Variants in MTMR9 observed in about 807,000 individuals in gnomAD.
MTMR9 encodes myotubularin related protein 9.
A neutral mutation model predicts 69.5 loss-of-function variants in MTMR9; 39 were observed. The ratio of observed to expected loss-of-function variants is 0.56; its 90% confidence interval spans 0.43 to 0.73. The LOEUF (loss-of-function observed/expected upper bound fraction) is 0.73. Among genes scored for constraint, MTMR9 ranks in the 30% least tolerant of loss-of-function variants. The probability of loss-of-function intolerance (pLI) is 0.00; values close to 1 mark genes in which losing one functional copy is unlikely to be tolerated. For missense variants in MTMR9, 900 were observed against 671.2 expected (o/e 1.34, Z -3.77); for synonymous variants, 354 against 240.8 (o/e 1.47, Z -4.35).
At chr8:11,290,641 A>G (rs1321253607) in intron 1 of MTMR9, among the ~76,000 whole-genome samples, 1 of 152,032 alleles carries the variant, frequency 6.6e-6, no homozygotes, top group Middle Eastern at 3.2e-3. Context: ...ATAAGAACCT[A>G]TTTTTCTCCA....
chr8:11,287,479 G>T (rs992870710), intron 1 of MTMR9, among the ~76,000 whole-genome samples: 1 of 151,712 alleles, frequency 6.6e-6, no homozygotes, highest in African/African-American at 2.4e-5. Flanking sequence ...GTGGTGTAGT[G>T]AAAGAGCATA....
intron 1 of MTMR9, 60 bp from the exon 2 acceptor site, chr8:11,295,134 A>G: frequency 1.2e-6 from 1 of 862,428 alleles, no homozygotes; most frequent in Non-Finnish European, 1.9e-6. Flanking sequence ...CAAAGAAATA[A>G]TAATATATTT....
chr8:11,298,730 C>CT (rs1799644888), intron 2 of MTMR9: 6 of 926,800 alleles, frequency 6.5e-6, no homozygotes, highest in South Asian at 1.0e-4. Context: ...ACCCCCCCCC[C>CT]GCCATCCAGT....
intron 6 of MTMR9, among the ~76,000 whole-genome samples, chr8:11,314,261 G>GT (rs1800320037): frequency 6.6e-6 from 1 of 152,212 alleles, no homozygotes; most frequent in African/African-American, 2.4e-5. Context: ...AGAAGATGTA[G>GT]TAAATTTAGT....
intron 8 of MTMR9, 200 bp from the exon 9 acceptor site, chr8:11,319,487 T>G: frequency 1.8e-6 from 1 of 568,454 alleles, no homozygotes; most frequent in Non-Finnish European, 3.1e-6. Flanking sequence ...AAAATACTCT[T>G]TGTTTTGTTG....
At chr8:11,331,829 G>C, downstream of MTMR9, 1 of 1,611,960 alleles carries the variant, frequency 6.2e-7, no homozygotes, top group Non-Finnish European at 8.5e-7. Flanking sequence ...TCTTTGTGCT[G>C]CAGACCCCCG....
At chr8:11,285,347 C>T in intron 1 of MTMR9, 1 of 339,318 alleles carries the variant, frequency 2.9e-6, no homozygotes, top group Non-Finnish European at 5.3e-6. Context: ...GGATTTTCGG[C>T]ATTGTCTTTA....
chr8:11,299,964 A>G (rs1392543114), intron 2 of MTMR9, 59 bp from the exon 3 acceptor site: 1 of 1,573,054 alleles, frequency 6.4e-7, no homozygotes, highest in East Asian at 2.3e-5. Flanking sequence ...TTTGTCAGTT[A>G]GAATATGTTT....
At chr8:11,317,326 C>A (rs1269230158) in intron 8 of MTMR9, 3 of 152,502 alleles carry the variant, frequency 2.0e-5, no homozygotes, top group African/African-American at 7.2e-5. Flanking sequence ...CATTTTGGCA[C>A]CAGGGACCAG....
intron 1 of MTMR9, among the ~76,000 whole-genome samples, chr8:11,285,958 TTTTTTTTTTTTTG>T (rs1799138845): frequency 7.1e-6 from 1 of 141,288 alleles, no homozygotes; most frequent in African/African-American, 2.7e-5. Flanking sequence ...CTTTTTTTTT[TTTTTTTTTTTTTG>T]GAGACGAAAT....
chr8:11,332,216 A>G (rs1801265490), downstream of MTMR9: 4 of 1,494,496 alleles, frequency 2.7e-6, no homozygotes, highest in African/African-American at 2.9e-5. Flanking sequence ...AAAAATAATT[A>G]TAATAAATCC....
chr8:11,330,497 GAT>G (rs1801170281), downstream of MTMR9, among the ~76,000 whole-genome samples: 1 of 152,236 alleles, frequency 6.6e-6, no homozygotes, highest in Non-Finnish European at 1.5e-5. Flanking sequence ...GTGGGGAAAA[GAT>G]AGAGAAATCA....
chr8:11,330,074 G>A (rs1801141623), downstream of MTMR9, among the ~76,000 whole-genome samples: 1 of 150,856 alleles, frequency 6.6e-6, no homozygotes, highest in Non-Finnish European at 1.5e-5. Flanking sequence ...GAGCGTCTCC[G>A]CCTGGCAGCC....
At chr8:11,334,822 C>T in the MTMR9 span, among the ~76,000 whole-genome samples, 2 of 152,230 alleles carry the variant, frequency 1.3e-5, no homozygotes, top group East Asian at 3.9e-4. Flanking sequence ...ATAACATCAA[C>T]AGACTAAAGA....
chr8:11,309,243 C>T (rs542254881), intron 5 of MTMR9, among the ~76,000 whole-genome samples: 11 of 152,138 alleles, frequency 7.2e-5, no homozygotes, highest in Non-Finnish European at 1.5e-4. Context: ...TCATGAAACG[C>T]AGGGCTCTGG....
chr8:11,297,927 C>G, intron 2 of MTMR9: 1 of 456,210 alleles, frequency 2.2e-6, no homozygotes, highest in Non-Finnish European at 4.4e-6. Context: ...CTCCACCCTT[C>G]CCCGAATACA....
chr8:11,307,543 G>T (rs1017358488), intron 5 of MTMR9, among the ~76,000 whole-genome samples: 2 of 152,116 alleles, frequency 1.3e-5, no homozygotes, highest in African/African-American at 4.8e-5. Context: ...TTTCGTTTCC[G>T]ATATTCAAAA....
intron 5 of MTMR9, among the ~76,000 whole-genome samples, chr8:11,307,508 T>C (rs1799984519): frequency 1.3e-5 from 2 of 152,238 alleles, no homozygotes; most frequent in Non-Finnish European, 2.9e-5. Flanking sequence ...AACGTGGGAA[T>C]GCAGATACCT....
chr8:11,316,426 T>C, intron 7 of MTMR9: 1 of 343,008 alleles, frequency 2.9e-6, no homozygotes, highest in Non-Finnish European at 5.2e-6. Context: ...CCAAGGGCAG[T>C]GCAGTTCCTG....
Sources: allele counts gnomAD v4.1 joint callset (sites outside exome capture counted in the v4.1 genomes callset), GRCh38; gene constraint gnomAD v4.1.1; transcripts MANE v1.5; gene names NCBI Gene and HGNC (gene_info 2026-07-23, HGNC 2026-07-21).